ANXA10: variants seen among roughly 807,000 people sequenced by gnomAD.
The protein encoded by ANXA10 is annexin A10, also known as annexin 14.
Under a neutral mutation model 53.5 loss-of-function variants are expected in ANXA10, and 49 were observed. That is an observed-to-expected ratio of 0.92 (90% CI 0.73 to 1.16). The LOEUF is 1.16. ANXA10 is among the 50% of genes most tolerant of loss of function. ANXA10 has a pLI of 0.00. For missense variants in ANXA10, 393 were observed against 394.4 expected, an observed-to-expected ratio of 1.00 and a Z score of 0.03; for synonymous variants, 131 against 128.9, an observed-to-expected ratio of 1.02 and a Z score of -0.11.
At chr4:168,116,287 G>T (rs11936059) in intron 1 of ANXA10, among the ~76,000 whole-genome samples, 2,398 of 152,158 alleles carry the variant, frequency 0.016, 71 homozygotes, top group African/African-American at 0.055. Context: ...CTATTAAACG[G>T]TCTATTGGCA....
intron 6 of ANXA10, among the ~76,000 whole-genome samples, chr4:168,171,545 G>A (rs1259376313): frequency 6.6e-6 from 1 of 151,990 alleles, no homozygotes; most frequent in East Asian, 1.9e-4. Context: ...ATAGAGACTG[G>A]GGTAATTGGA....
intron 9 of ANXA10, among the ~76,000 whole-genome samples, chr4:168,181,291 T>C (rs906058091): frequency 2.0e-5 from 3 of 149,188 alleles, no homozygotes; most frequent in Admixed American, 6.8e-5. Flanking sequence ...CTCGGGAGGC[T>C]GAGGCAGGAG....
At chr4:168,122,845 A>G (rs571505389) in intron 1 of ANXA10, among the ~76,000 whole-genome samples, 66 of 152,154 alleles carry the variant, frequency 4.3e-4, no homozygotes, top group African/African-American at 1.6e-3. Context: ...CACCTCCAAC[A>G]CTGGAGCCCA....
At chr4:168,140,203 AC>A (rs1731303469) in intron 3 of ANXA10, among the ~76,000 whole-genome samples, 1 of 152,260 alleles carries the variant, frequency 6.6e-6, no homozygotes, top group African/African-American at 2.4e-5. Context: ...CATTTAAACC[AC>A]AAATTCAGAA....
At chr4:168,156,206 T>TTATATATTATA (rs1368446784) in intron 3 of ANXA10, among the ~76,000 whole-genome samples, 1 of 16,882 alleles carries the variant, frequency 5.9e-5, no homozygotes, top group African/African-American at 3.0e-4. Flanking sequence ...ATAATATATA[T>TTATATATTATA]TATATTATAT....
intron 1 of ANXA10, chr4:168,113,282 G>A (rs1011244179): frequency 6.6e-6 from 1 of 152,072 alleles, no homozygotes; most frequent in African/African-American, 2.4e-5. Flanking sequence ...GGTCTGGTGA[G>A]AGCCCAGTCT....
intron 1 of ANXA10, 22 bp downstream of exon 1, chr4:168,092,740 G>A: frequency 1.3e-6 from 2 of 1,542,260 alleles, no homozygotes; most frequent in Non-Finnish European, 1.7e-6. Context: ...GCTTATTTCT[G>A]TAAAGCTTTT....
At chr4:168,150,921 T>C (rs760168332) in intron 3 of ANXA10, among the ~76,000 whole-genome samples, 1 of 152,102 alleles carries the variant, frequency 6.6e-6, no homozygotes, top group Non-Finnish European at 1.5e-5. Flanking sequence ...GAGTAAGTCT[T>C]TCCAAAGGGC....
At chr4:168,096,479 T>C (rs1312713545) in intron 1 of ANXA10, among the ~76,000 whole-genome samples, 1 of 152,152 alleles carries the variant, frequency 6.6e-6, no homozygotes, top group Non-Finnish European at 1.5e-5. Context: ...TTCCTTGAAC[T>C]GGCATGCATG....
intron 1 of ANXA10, among the ~76,000 whole-genome samples, chr4:168,106,230 A>T (rs1730718113): frequency 6.6e-6 from 1 of 152,058 alleles, no homozygotes; most frequent in Middle Eastern, 3.2e-3. Flanking sequence ...AATGCAAACA[A>T]TTTTAGGTCA....
rs1730477153 is a variant in ANXA10 at position 168,092,593 on chromosome 4, T to TTACATTTGA, written c.-106_-98dup. Reference sequence around the variant, plus strand: ...AGTCTGAGGTGAACAGTGAACATATTTACATTTGATTTAACAGTGAACCTT... The same window carrying TTACATTTGA: ...AGTCTGAGGTGAACAGTGAACATATTTACATTTGATACATTTGATTTAACAGTGAACCTT... On this transcript the variant is annotated 5_prime_UTR_variant, in exon 1 of 12. Transcript: ENST00000359299. 1.8e-6 allele frequency: 2 copies of TTACATTTGA among 1,133,504 alleles called. No homozygotes were observed. Among genetic ancestry groups the TTACATTTGA allele is most frequent in the Admixed American group, 2.2e-5 (1 of 45,600 alleles). 70.2% of individuals were successfully genotyped at this position (1,133,504 alleles called of 1,614,324 possible). A position where few individuals can be genotyped will look rare whatever the true frequency, so the allele number is the denominator to read the frequency against.
At chr4:168,168,285 C>T (rs1731918855) in intron 6 of ANXA10, among the ~76,000 whole-genome samples, 1 of 152,188 alleles carries the variant, frequency 6.6e-6, no homozygotes, top group Non-Finnish European at 1.5e-5. Flanking sequence ...TGTTGCAATG[C>T]ATATCCATTT....
At chr4:168,119,786 C>T (rs1730956128) in intron 1 of ANXA10, among the ~76,000 whole-genome samples, 1 of 151,848 alleles carries the variant, frequency 6.6e-6, no homozygotes, top group Non-Finnish European at 1.5e-5. Flanking sequence ...TGGTTGTGTC[C>T]CCCAAACAAA....
intron 1 of ANXA10, among the ~76,000 whole-genome samples, chr4:168,110,694 A>G (rs1200571274): frequency 6.6e-6 from 1 of 152,158 alleles, no homozygotes; most frequent in African/African-American, 2.4e-5. Context: ...CAACTTATTT[A>G]TGGATTGCCC....
intron 1 of ANXA10, among the ~76,000 whole-genome samples, chr4:168,108,854 AC>A (rs760324671): frequency 2.0e-4 from 31 of 152,054 alleles, no homozygotes; most frequent in Admixed American, 1.1e-3. Context: ...TGACATCACC[AC>A]CCTTCACCTC....
chr4:168,164,255 GA>G lies in ANXA10; in HGVS notation c.370del (p.Ile124PhefsTer33). 4 of 1,613,146 alleles carry G rather than the reference GA, an allele frequency of 2.5e-6. No homozygotes were observed. Among genetic ancestry groups the G allele is most frequent in the Non-Finnish European group, 3.4e-6 (4 of 1,179,358 alleles). ...IEILASRTNGEIFQMREAYCL... is the reference protein window; with the variant it reads ...IEILASRTNGXIFQMREAYCL... ...AATACTAGCTTCAAGAACAAATGGAGAAATTTTCCAGATGCGAGAAGCCTAC... is the reference window on the plus strand; with the variant it reads ...AATACTAGCTTCAAGAACAAATGGAGAATTTTCCAGATGCGAGAAGCCTAC... On this transcript the variant is annotated frameshift_variant, in exon 5 of 12. Coordinates refer to ENST00000359299, the MANE Select transcript of ANXA10 (RefSeq NM_007193.5). LOFTEE classifies it high-confidence loss of function.
intron 1 of ANXA10, among the ~76,000 whole-genome samples, chr4:168,111,727 C>T (rs1167350957): frequency 2.6e-5 from 4 of 151,994 alleles, no homozygotes; most frequent in African/African-American, 9.7e-5. Context: ...TAGTATAATG[C>T]CTCCTTCATC....
chr4:168,164,704 A>G (rs2251558), intron 5 of ANXA10, among the ~76,000 whole-genome samples: 94,545 of 152,034 alleles, frequency 0.62, 30,171 homozygotes, highest in African/African-American at 0.76. Flanking sequence ...GTAATCTACT[A>G]CAAAATCAGA....
At chr4:168,157,539 C>T (rs1731709986) in intron 3 of ANXA10, among the ~76,000 whole-genome samples, 1 of 152,198 alleles carries the variant, frequency 6.6e-6, no homozygotes, top group Non-Finnish European at 1.5e-5. Context: ...CTTGGGATTA[C>T]AGGCGTAAGC....
Sources: gnomAD v4.1 joint callset for allele counts (sites outside exome capture counted in the v4.1 genomes callset) on GRCh38, gnomAD v4.1.1 for gene constraint, MANE v1.5 for transcripts, NCBI Gene and HGNC (gene_info 2026-07-23, HGNC 2026-07-21) for gene names.